The following SDK1 variants were observed in gnomAD, a reference collection of about 807,000 sequenced individuals.
The protein encoded by SDK1 is sidekick cell adhesion molecule 1.
Under a neutral mutation model 245.5 loss-of-function variants are expected in SDK1, and 157 were observed. That is an observed-to-expected ratio of 0.64 (90% CI 0.56 to 0.73). The LOEUF (loss-of-function observed/expected upper bound fraction) is 0.73, where lower values mean the gene tolerates loss of function less well. SDK1 is among the 30% of genes least tolerant of loss of function. SDK1 has a pLI of 0.00. For synonymous variants in SDK1, 1,647 were observed against 1,278.5 expected, an observed-to-expected ratio of 1.29 and a Z score of -6.15; for missense variants, 3,583 against 3,002.3, an observed-to-expected ratio of 1.19 and a Z score of -4.52.
intron 4 of SDK1, among the ~76,000 whole-genome samples, chr7:3,719,648 A>G (rs1462687022): frequency 3.9e-5 from 6 of 152,204 alleles, no homozygotes; most frequent in Admixed American, 3.9e-4. Context: ...AGAAAACTCA[A>G]AAAAGTATCA....
At chr7:3,760,563 T>C (rs1780068302) in intron 4 of SDK1, among the ~76,000 whole-genome samples, 2 of 152,250 alleles carry the variant, frequency 1.3e-5, no homozygotes, top group Non-Finnish European at 1.5e-5. Context: ...AAATGTCTTT[T>C]AAGGAATTAA....
At chr7:3,859,429 G>C (rs1354054277) in intron 5 of SDK1, among the ~76,000 whole-genome samples, 1 of 152,096 alleles carries the variant, frequency 6.6e-6, no homozygotes, top group Non-Finnish European at 1.5e-5. Context: ...AACTCACGCT[G>C]GTTTTGGTTT....
chr7:3,975,431 T>A (rs1782845180), intron 13 of SDK1, among the ~76,000 whole-genome samples: 1 of 152,188 alleles, frequency 6.6e-6, no homozygotes, highest in Non-Finnish European at 1.5e-5. Flanking sequence ...CACTGGACCC[T>A]GCCCCCTTTG....
At chr7:4,073,909 T>G in intron 20 of SDK1, among the ~76,000 whole-genome samples, 1 of 152,148 alleles carries the variant, frequency 6.6e-6, no homozygotes, top group South Asian at 2.1e-4. Flanking sequence ...AACAAGCGAT[T>G]TATCCCCTAG....
chr7:3,413,318 G>T (rs1779265034), intron 1 of SDK1, among the ~76,000 whole-genome samples: 1 of 152,176 alleles, frequency 6.6e-6, no homozygotes, highest in Non-Finnish European at 1.5e-5. Context: ...AGAGGGGCAG[G>T]GGTCAGACCA....
chr7:3,598,331 T>G lies in SDK1; in HGVS notation c.299-20749T>G, dbSNP rs73673636. On this transcript the variant is annotated intron_variant, in intron 1 of 44. Transcript: ENST00000404826. ...GCAAGATATGCATTATCAGAATATT[T>G]TCTCTTACTCTGTGGCTTTCTTATT... Among the ~76,000 whole-genome samples, 1,173 of 152,344 alleles carry G rather than the reference T, an allele frequency of 7.7e-3. 17 individuals carry two copies. Among genetic ancestry groups the G allele is most frequent in the African/African-American group, 0.027 (1,134 of 41,582 alleles).
At chr7:4,190,861 A>G (rs1241105381) in intron 35 of SDK1, among the ~76,000 whole-genome samples, 2 of 152,146 alleles carry the variant, frequency 1.3e-5, no homozygotes, top group South Asian at 2.1e-4. Flanking sequence ...CCCCCGAGGG[A>G]GGATGGGCTT....
chr7:4,156,806 G>A (rs1223847889), intron 30 of SDK1, among the ~76,000 whole-genome samples: 1 of 152,142 alleles, frequency 6.6e-6, no homozygotes. Flanking sequence ...AGAGTCCTGG[G>A]GGTCCACAGG....
At chr7:3,365,258 C>G (rs572571121) in intron 1 of SDK1, among the ~76,000 whole-genome samples, 1 of 152,084 alleles carries the variant, frequency 6.6e-6, no homozygotes, top group Non-Finnish European at 1.5e-5. Context: ...CAATTGTATT[C>G]ATTTTCAGTT....
chr7:3,872,509 C>CT (rs34573376), intron 5 of SDK1, among the ~76,000 whole-genome samples: 34,468 of 150,070 alleles, frequency 0.23, 4,216 homozygotes, highest in African/African-American at 0.31. Flanking sequence ...TTTTTGTAGC[C>CT]TTTTTTCCCA....
chr7:4,053,680 C>G (rs1342719749), intron 19 of SDK1, among the ~76,000 whole-genome samples: 1 of 152,064 alleles, frequency 6.6e-6, no homozygotes, highest in Non-Finnish European at 1.5e-5. Context: ...GGAACAATCT[C>G]GCCATTGACT....
At chr7:4,251,762 A>G (rs1028180531) in intron 44 of SDK1, among the ~76,000 whole-genome samples, 13 of 152,258 alleles carry the variant, frequency 8.5e-5, no homozygotes, top group African/African-American at 2.9e-4. Context: ...GTAATCTTTG[A>G]AAGCAGGTCT....
chr7:3,624,865 G>A (rs1782065487), intron 2 of SDK1, among the ~76,000 whole-genome samples: 1 of 151,914 alleles, frequency 6.6e-6, no homozygotes, highest in Admixed American at 6.6e-5. Flanking sequence ...GACCAACATG[G>A]AGAAACCCCA....
intron 24 of SDK1, 103 bp from the exon 25 acceptor site, chr7:4,113,934 C>G (rs1783522094): frequency 1.2e-6 from 1 of 822,608 alleles, no homozygotes; most frequent in African/African-American, 1.7e-5. Flanking sequence ...CCAGGAACAC[C>G]TCCTCCACGG....
At chr7:4,067,770 C>T in intron 19 of SDK1, 68 bp from the exon 20 acceptor site, 1 of 1,165,036 alleles carries the variant, frequency 8.6e-7, no homozygotes, top group Non-Finnish European at 1.3e-6. Flanking sequence ...TAGAACCTTC[C>T]CCACACATCT....
intron 1 of SDK1, among the ~76,000 whole-genome samples, chr7:3,570,970 T>C (rs1218581360): frequency 1.3e-5 from 2 of 152,094 alleles, no homozygotes; most frequent in South Asian, 2.1e-4. Context: ...AACTGAGATA[T>C]TTGCACTTAA....
intron 1 of SDK1, among the ~76,000 whole-genome samples, chr7:3,478,650 C>G (rs1003826883): frequency 1.3e-5 from 2 of 151,874 alleles, no homozygotes; most frequent in Middle Eastern, 3.2e-3. Context: ...TTAGACTTTC[C>G]AAAGAATCAA....
chr7:3,982,834 C>T (rs1783519205), intron 13 of SDK1, among the ~76,000 whole-genome samples: 1 of 146,516 alleles, frequency 6.8e-6, no homozygotes, highest in South Asian at 2.2e-4. Flanking sequence ...AGCGAGACAA[C>T]ATCTCAAAAA....
chr7:3,334,899 C>G (rs1780159912), intron 1 of SDK1, among the ~76,000 whole-genome samples: 1 of 152,114 alleles, frequency 6.6e-6, no homozygotes, highest in Non-Finnish European at 1.5e-5. Context: ...AAATCTCTCT[C>G]ACTTAGTGTC....
Sources: allele counts gnomAD v4.1 joint callset (sites outside exome capture counted in the v4.1 genomes callset), GRCh38; gene constraint gnomAD v4.1.1; transcripts MANE v1.5; gene names NCBI Gene and HGNC (gene_info 2026-07-23, HGNC 2026-07-21).